The following MKNK1 variants were observed in gnomAD, a reference collection of about 807,000 sequenced individuals.
MKNK1 encodes MAP kinase-interacting serine/threonine-protein kinase 1.
In MKNK1, 30 loss-of-function variants were observed where a neutral mutation model predicts 49.3. That is an observed-to-expected ratio of 0.61 (90% CI 0.46 to 0.83). The LOEUF is 0.83. Among genes scored for constraint, MKNK1 ranks in the 40% least tolerant of loss-of-function variants. MKNK1 has a pLI of 0.00. For missense variants in MKNK1, 423 were observed against 524.7 expected (o/e 0.81, Z 1.89); for synonymous variants, 176 against 201.7 (o/e 0.87, Z 1.08).
intron 2 of MKNK1, among the ~76,000 whole-genome samples, chr1:46,587,417 T>C (rs1456432004): frequency 2.6e-5 from 4 of 152,240 alleles, no homozygotes; most frequent in Non-Finnish European, 4.4e-5. Context: ...TCAGATATTA[T>C]AACAGAACCA....
rs1047185614 is a variant in MKNK1, at chr1:46,582,775, A to G, written c.100+453T>C. The G allele has an allele frequency of 1.4e-5, 6 of 438,546 alleles. 1 individual carries two copies. The highest frequency in any genetic ancestry group is 3.2e-5 in the South Asian group (2 of 62,392). 27.2% of individuals were successfully genotyped at this position (438,546 alleles called of 1,614,324 possible). A position where few individuals can be genotyped will look rare whatever the true frequency, so the allele number is the denominator to read the frequency against. Reference sequence around the variant, plus strand: ...TAAAATGTAGTCAAACACACACAGCATAAGTAGCTACAATCTGAGAGACAA... The same window carrying G: ...TAAAATGTAGTCAAACACACACAGCGTAAGTAGCTACAATCTGAGAGACAA... On this transcript the variant is annotated intron_variant, in intron 3 of 12. Transcript: ENST00000371945.
chr1:46,595,670 AC>A (rs1673971583), intron 1 of MKNK1, among the ~76,000 whole-genome samples: 1 of 152,070 alleles, frequency 6.6e-6, no homozygotes. Flanking sequence ...CAAATCTGAA[AC>A]CCAGTAAAAC....
intron 12 of MKNK1, among the ~76,000 whole-genome samples, 188 bp downstream of exon 12, chr1:46,560,046 T>C (rs1667660549): frequency 6.6e-6 from 1 of 151,698 alleles, no homozygotes; most frequent in Non-Finnish European, 1.5e-5. Flanking sequence ...GGATCCAATC[T>C]AGGTGAAGGA....
chr1:46,587,440 T>C (rs1203549606), intron 2 of MKNK1, among the ~76,000 whole-genome samples: 1 of 152,234 alleles, frequency 6.6e-6, no homozygotes, highest in Non-Finnish European at 1.5e-5. Context: ...GCCAAGTTAC[T>C]GTGCCTCTTA....
At chr1:46,579,424 G>A (rs1671438010) in intron 4 of MKNK1, among the ~76,000 whole-genome samples, 3 of 152,158 alleles carry the variant, frequency 2.0e-5, no homozygotes, top group Non-Finnish European at 2.9e-5. Context: ...ATCTGGTCAA[G>A]CCACAGAGAT....
At chr1:46,578,438 A>G (rs775791485) in intron 4 of MKNK1, among the ~76,000 whole-genome samples, 29 of 152,140 alleles carry the variant, frequency 1.9e-4, no homozygotes, top group Non-Finnish European at 3.4e-4. Context: ...GTTTGCCTCA[A>G]AGATGCCAGG....
At chr1:46,599,155 C>T (rs1400389535) in intron 1 of MKNK1, among the ~76,000 whole-genome samples, 3 of 152,178 alleles carry the variant, frequency 2.0e-5, no homozygotes, top group Non-Finnish European at 4.4e-5. Context: ...TAACTGGCTG[C>T]AGGAGGGAAT....
chr1:46,572,194 A>G (rs761658235), intron 6 of MKNK1, 27 bp from the exon 7 acceptor site: 27 of 1,598,460 alleles, frequency 1.7e-5, no homozygotes, highest in Non-Finnish European at 2.3e-5. Flanking sequence ...ACATAGAAGA[A>G]TGCCTTTTTG....
At position 46,590,428 on chromosome 1, in the gene MKNK1, C is replaced by A. The variant is rs140087597; in HGVS notation, c.-3+3685G>T. On this transcript the variant is annotated intron_variant, in intron 2 of 12. Coordinates refer to ENST00000371945, the MANE Select transcript of MKNK1 (RefSeq NM_001135553.4). The stretch of plus-strand genomic sequence containing the variant: ...CCAGGCAGCATTCTAAGCACTTTAC[C>A]AACGCTACACTTTACATATACTAAC... 3.9e-5 allele frequency among the ~76,000 whole-genome samples: 6 copies of A among 152,294 alleles called. No individual in the cohort carries two copies. The East Asian group carries it at 1.2e-3, about 29-fold the overall frequency.
chr1:46,570,854 A>C (rs543637260), intron 7 of MKNK1, among the ~76,000 whole-genome samples: 1 of 152,348 alleles, frequency 6.6e-6, no homozygotes, highest in African/African-American at 2.4e-5. Context: ...CAATACAAAC[A>C]CAAGATACAC....
Position 46,561,574 on chromosome 1 carries a change from G to A in MKNK1, c.873C>T (p.Ser291=), listed in dbSNP as rs749637084. The change falls in exon 11 of 13, where the codon TCC becomes TCT. Residue 291 remains serine (S), a synonymous_variant. Transcript: ENST00000371945. The part of the protein sequence containing the change: ...EFPDKDWAHI[S]SEAKDLISKL... ...TGGAGATGAGGTCTTTGGCTTCACT[G>A]GAGATGTGTGCCCAGTCCTTGTCAG... 10 of 1,614,098 alleles carry A rather than the reference G, an allele frequency of 6.2e-6. No individual in the cohort carries two copies. The highest frequency in any genetic ancestry group is 8.5e-6 in the Non-Finnish European group (10 of 1,180,028).
At chr1:46,584,608 G>GA (rs938233666) in intron 2 of MKNK1, 1 of 151,966 alleles carries the variant, frequency 6.6e-6, no homozygotes, top group Non-Finnish European at 1.5e-5. Flanking sequence ...TACGACCAGA[G>GA]AAAGAGCAAG....
chr1:46,562,784 T>C lies in MKNK1; in HGVS notation c.669A>G (p.Thr223=), dbSNP rs1360259284. ...ACAGGTCACAGCGCTTGTCGTAGAA[T>C]GTGGCCTGGTCCGTGAAGACCTCCA... is the stretch of plus-strand genomic sequence containing the variant. ...EVVEVFTDQA[T]FYDKRCDLWS... The change falls in exon 10 of 13, where the codon ACA becomes ACG. Residue 223 remains threonine, a synonymous_variant. Transcript: ENST00000371945. 3.7e-6 allele frequency: 6 copies of C among 1,612,482 alleles called. 1 individual carries two copies. The highest frequency in any genetic ancestry group is 2.2e-5 in the South Asian group (2 of 90,610).
At chr1:46,568,610 T>C (rs191412443) in intron 7 of MKNK1, 112 bp from the exon 8 acceptor site, 4 of 1,035,550 alleles carry the variant, frequency 3.9e-6, no homozygotes, top group East Asian at 2.5e-5. Context: ...TTCCCAATTA[T>C]GGTACATTAA....
chr1:46,587,950 C>T (rs1672809417), intron 2 of MKNK1, among the ~76,000 whole-genome samples: 1 of 152,208 alleles, frequency 6.6e-6, no homozygotes, highest in Admixed American at 6.5e-5. Context: ...ATACGTAAAA[C>T]TGCTAATACG....
chr1:46,579,659 TC>T (rs988249739), intron 4 of MKNK1, among the ~76,000 whole-genome samples: 1 of 152,192 alleles, frequency 6.6e-6, no homozygotes, highest in Non-Finnish European at 1.5e-5. Flanking sequence ...AGCTTCTATT[TC>T]TAACAAGTTC....
At chr1:46,601,325 G>C (rs1482966383) in intron 1 of MKNK1, among the ~76,000 whole-genome samples, 1 of 152,186 alleles carries the variant, frequency 6.6e-6, no homozygotes, top group East Asian at 1.9e-4. Flanking sequence ...ATTTTTCTCT[G>C]ATCAAGAAAT....
chr1:46,561,162 A>G (rs763711581), intron 11 of MKNK1, among the ~76,000 whole-genome samples: 3 of 152,168 alleles, frequency 2.0e-5, no homozygotes, highest in African/African-American at 4.8e-5. Flanking sequence ...TGATGCTTCT[A>G]TATAAGAGGA....
chr1:46,592,273 A>G (rs777222088), intron 2 of MKNK1, among the ~76,000 whole-genome samples: 1 of 152,234 alleles, frequency 6.6e-6, no homozygotes, highest in Non-Finnish European at 1.5e-5. Flanking sequence ...CTGGGAGTAC[A>G]TAGCAGTGGA....
Sources: allele counts gnomAD v4.1 joint callset (sites outside exome capture counted in the v4.1 genomes callset), GRCh38; gene constraint gnomAD v4.1.1; transcripts MANE v1.5; gene names NCBI Gene and HGNC (gene_info 2026-07-23, HGNC 2026-07-21).